Variants in WSCD2 observed in about 807,000 individuals in gnomAD.
The protein encoded by WSCD2 is sialate:O-sulfotransferase 2.
WSCD2 carries 28 observed loss-of-function variants against 55.7 expected under a neutral mutation model. The observed-to-expected ratio is 0.50, with a 90% CI of 0.37 to 0.69. The LOEUF (loss-of-function observed/expected upper bound fraction) is 0.69, where lower values mean the gene tolerates loss of function less well. Among genes scored for constraint, WSCD2 ranks in the 30% least tolerant of loss-of-function variants. WSCD2 has a pLI of 0.00. For missense variants in WSCD2, 616 were observed against 762.1 expected, an observed-to-expected ratio of 0.81 and a Z score of 2.26; for synonymous variants, 301 against 301.9, an observed-to-expected ratio of 1.00 and a Z score of 0.03.
intron 4 of WSCD2, among the ~76,000 whole-genome samples, chr12:108,224,526 A>G (rs2137160169): frequency 6.6e-6 from 1 of 152,346 alleles, no homozygotes; most frequent in South Asian, 2.1e-4. Flanking sequence ...GCCAGGGTTG[A>G]GGAGAACATT....
At position 108,165,687 on chromosome 12, in the gene WSCD2, A is replaced by C. The variant is rs142326628; in HGVS notation, c.-551-29595A>C. ...GTGGAGACATATCCCAAACTTAAAT[A>C]ATCAGCACACCACCCTTGCAATTTT... On this transcript the variant is annotated intron_variant, in intron 1 of 8. Coordinates refer to ENST00000547525, the MANE Select transcript of WSCD2 (RefSeq NM_014653.4). 2.1e-3 allele frequency among the ~76,000 whole-genome samples: 324 copies of C among 152,352 alleles called. 1 individual carries two copies. Among genetic ancestry groups the C allele is most frequent in the African/African-American group, 7.1e-3 (296 of 41,586 alleles).
At chr12:108,244,766 T>C (rs1459995132) in intron 8 of WSCD2, among the ~76,000 whole-genome samples, 2 of 152,310 alleles carry the variant, frequency 1.3e-5, no homozygotes, top group South Asian at 2.1e-4. Flanking sequence ...AAGTGAGCAG[T>C]AGGCAGCCTA....
chr12:108,140,296 TGG>T (rs750282998), intron 1 of WSCD2, among the ~76,000 whole-genome samples: 7 of 152,230 alleles, frequency 4.6e-5, no homozygotes, highest in Admixed American at 1.3e-4. Context: ...GCCTAGCATA[TGG>T]TACAGGTTAC....
chr12:108,180,050 C>CAAAAAAAAAAAAAAAGAAAAAAAAAAA (rs1881480786), intron 1 of WSCD2, among the ~76,000 whole-genome samples: 1 of 116,674 alleles, frequency 8.6e-6, no homozygotes, highest in Non-Finnish European at 1.8e-5. Flanking sequence ...CTCAAAAAAA[C>CAAAAAAAAAAAAAAAGAAAAAAAAAAA]AAAAAAAAAA....
chr12:108,148,788 T>C (rs1400815848), intron 1 of WSCD2, among the ~76,000 whole-genome samples: 1 of 152,164 alleles, frequency 6.6e-6, no homozygotes, highest in Non-Finnish European at 1.5e-5. Context: ...GGCTAAACAT[T>C]GTGTATGGAT....
chr12:108,220,983 G>A (rs1163992602), intron 4 of WSCD2, among the ~76,000 whole-genome samples: 1 of 152,162 alleles, frequency 6.6e-6, no homozygotes, highest in South Asian at 2.1e-4. Context: ...GCCTCCCTCA[G>A]CCTCCTCAGT....
At chr12:108,165,490 C>G (rs1050116552) in intron 1 of WSCD2, among the ~76,000 whole-genome samples, 1 of 152,180 alleles carries the variant, frequency 6.6e-6, no homozygotes, top group African/African-American at 2.4e-5. Context: ...CTTGGCTTCC[C>G]AAAGAGCTAG....
chr12:108,230,066 T>C (rs943273357), intron 6 of WSCD2, among the ~76,000 whole-genome samples: 4 of 152,230 alleles, frequency 2.6e-5, no homozygotes, highest in African/African-American at 9.6e-5. Context: ...ATCATTATAC[T>C]TCAGGATGTT....
intron 4 of WSCD2, among the ~76,000 whole-genome samples, chr12:108,223,934 G>T (rs546419477): frequency 6.6e-6 from 1 of 152,312 alleles, no homozygotes; most frequent in African/African-American, 2.4e-5. Flanking sequence ...GTGGCACCCA[G>T]CTGAGATCAC....
chr12:108,244,378 G>GCAGATAT, intron 8 of WSCD2: 1 of 642,426 alleles, frequency 1.6e-6, no homozygotes, highest in South Asian at 1.7e-5. Flanking sequence ...TGCTGAAACA[G>GCAGATAT]CTTGGATATC....
intron 1 of WSCD2, among the ~76,000 whole-genome samples, chr12:108,155,591 C>T (rs1878432486): frequency 6.6e-6 from 1 of 152,150 alleles, no homozygotes; most frequent in Admixed American, 6.5e-5. Flanking sequence ...CTCTGTGAGT[C>T]AGAGACCTAG....
chr12:108,231,016 T>G (rs1888692904), intron 6 of WSCD2, among the ~76,000 whole-genome samples: 1 of 152,092 alleles, frequency 6.6e-6, no homozygotes, highest in African/African-American at 2.4e-5. Context: ...CCTGTTTGAG[T>G]GCTAATGTGA....
intron 1 of WSCD2, among the ~76,000 whole-genome samples, chr12:108,153,960 C>G (rs1390557786): frequency 6.6e-6 from 1 of 152,074 alleles, no homozygotes; most frequent in Non-Finnish European, 1.5e-5. Context: ...TACTGCTTGC[C>G]TTGATGCTGC....
chr12:108,165,464 C>T (rs1362127220), intron 1 of WSCD2, among the ~76,000 whole-genome samples: 1 of 152,192 alleles, frequency 6.6e-6, no homozygotes, highest in East Asian at 1.9e-4. Context: ...ACTTCTAGCT[C>T]AAGTGACCCT....
At chr12:108,193,346 C>A (rs1883428961) in intron 1 of WSCD2, among the ~76,000 whole-genome samples, 1 of 152,196 alleles carries the variant, frequency 6.6e-6, no homozygotes. Context: ...TCTCTGAAAG[C>A]AGGGACTGTG....
intron 1 of WSCD2, among the ~76,000 whole-genome samples, chr12:108,143,063 C>T (rs1258433521): frequency 6.6e-6 from 1 of 152,220 alleles, no homozygotes; most frequent in Non-Finnish European, 1.5e-5. Context: ...ATCCTCCCAC[C>T]TTGGCCTTTC....
chr12:108,179,349 C>CT (rs1881356227), intron 1 of WSCD2, among the ~76,000 whole-genome samples: 1 of 152,222 alleles, frequency 6.6e-6, no homozygotes, highest in Admixed American at 6.5e-5. Flanking sequence ...AACTCCTGCT[C>CT]TATGCAGCCC....
chr12:108,212,626 CA>C (rs1175550500), intron 4 of WSCD2, among the ~76,000 whole-genome samples: 40 of 151,242 alleles, frequency 2.6e-4, no homozygotes, highest in Non-Finnish European at 4.4e-5. Flanking sequence ...CACACACACA[CA>C]CACACACATT....
chr12:108,203,113 G>A (rs1345924061), intron 2 of WSCD2, among the ~76,000 whole-genome samples: 1 of 152,186 alleles, frequency 6.6e-6, no homozygotes, highest in Non-Finnish European at 1.5e-5. Flanking sequence ...GTGGACTCGG[G>A]CAAGTTGCTA....
Sources: gnomAD v4.1 joint callset for allele counts (sites outside exome capture counted in the v4.1 genomes callset) on GRCh38, gnomAD v4.1.1 for gene constraint, MANE v1.5 for transcripts, NCBI Gene and HGNC (gene_info 2026-07-23, HGNC 2026-07-21) for gene names.